Variants in DMD observed in about 807,000 individuals in gnomAD.
DMD encodes dystrophin.
DMD carries 63 observed loss-of-function variants against 330.1 expected under a neutral mutation model. The ratio of observed to expected loss-of-function variants is 0.19; its 90% CI spans 0.16 to 0.24. The LOEUF (loss-of-function observed/expected upper bound fraction) is 0.24. Ranked by LOEUF, DMD falls within the 10% of genes least tolerant of loss-of-function variation. DMD has a pLI of 1.00. For synonymous variants in DMD, 1,223 were observed against 959.8 expected, an observed-to-expected ratio of 1.27 and a Z score of -5.07; for missense variants, 3,344 against 2,684.1, an observed-to-expected ratio of 1.25 and a Z score of -5.43.
chrX:31,584,373 C>A, intron 55 of DMD, among the ~76,000 whole-genome samples: 1 of 110,783 alleles, frequency 9.0e-6, no homozygotes, highest in Middle Eastern at 4.6e-3. Context: ...CTTTTCTGTT[C>A]CTGTGTTAGT....
intron 44 of DMD, among the ~76,000 whole-genome samples, chrX:31,989,883 T>C (rs2095538089): frequency 9.0e-6 from 1 of 111,158 alleles, no homozygotes; most frequent in Admixed American, 9.6e-5. Context: ...ATGCTGAGGT[T>C]TGGGCTTCTG....
chrX:32,466,474 G>A (rs1035874227), intron 23 of DMD, among the ~76,000 whole-genome samples: 2 of 111,187 alleles, frequency 1.8e-5, no homozygotes, highest in African/African-American at 6.5e-5. Flanking sequence ...CCCCCAAGAT[G>A]TCCTCACCCT....
intron 51 of DMD, among the ~76,000 whole-genome samples, chrX:31,751,120 T>G (rs2088521046): frequency 9.3e-6 from 1 of 107,736 alleles, no homozygotes; most frequent in Admixed American, 1.0e-4. Flanking sequence ...TACCAATGAC[T>G]TTCTTCACAG....
At chrX:32,684,238 C>CAA (rs1374103907) in intron 9 of DMD, among the ~76,000 whole-genome samples, 5 of 111,208 alleles carry the variant, frequency 4.5e-5, no homozygotes, top group African/African-American at 1.3e-4. Context: ...CCCACACACA[C>CAA]ACATATATAT....
At chrX:32,453,165 T>G (rs755790833) in intron 26 of DMD, among the ~76,000 whole-genome samples, 6 of 111,032 alleles carry the variant, frequency 5.4e-5, no homozygotes, top group Non-Finnish European at 1.1e-4. Flanking sequence ...CATTTATTTT[T>G]CCATTTATTG....
intron 7 of DMD, among the ~76,000 whole-genome samples, chrX:32,700,931 G>C (rs752874664): frequency 8.9e-6 from 1 of 111,878 alleles, no homozygotes; most frequent in African/African-American, 3.2e-5. Flanking sequence ...CAATTCTTTT[G>C]CAAGTATCAG....
chrX:33,032,148 T>TGG (rs1362019142), intron 1 of DMD, among the ~76,000 whole-genome samples: 2 of 111,802 alleles, frequency 1.8e-5, no homozygotes, highest in Non-Finnish European at 3.8e-5. Context: ...CCTTGACCAG[T>TGG]GGAACACAGT....
At chrX:32,025,623 T>G (rs768834560) in intron 44 of DMD, among the ~76,000 whole-genome samples, 1 of 112,622 alleles carries the variant, frequency 8.9e-6, no homozygotes, top group African/African-American at 3.2e-5. Flanking sequence ...TTGGGAACAC[T>G]TTTCCTTTCT....
At position 32,420,479 on chromosome X, in the gene DMD, C is replaced by A. The variant is rs190273018; in HGVS notation, c.4072-8566G>T. On this transcript the variant is annotated intron_variant, in intron 29 of 78. Transcript: ENST00000357033. ...TTAATTAGCCAAATACAGAAGTACC[C>A]AAGTGAGAGAGAGCATACTGAGGCC... Among the ~76,000 whole-genome samples, 247 of 111,940 alleles carry A rather than the reference C, an allele frequency of 2.2e-3. 2 individuals are homozygous for A. The highest frequency in any genetic ancestry group is 7.7e-3 in the African/African-American group (237 of 30,829).
intron 13 of DMD, among the ~76,000 whole-genome samples, chrX:32,590,371 TTA>T (rs2054763283): frequency 9.0e-6 from 1 of 111,596 alleles, no homozygotes; most frequent in Middle Eastern, 4.3e-3. Flanking sequence ...ACGGTTAATA[TTA>T]TGTGTCAACT....
At chrX:31,485,093 A>G (rs949318565) in intron 57 of DMD, among the ~76,000 whole-genome samples, 4 of 112,960 alleles carry the variant, frequency 3.5e-5, no homozygotes, top group African/African-American at 1.3e-4. Context: ...TGGAAGCCAC[A>G]TAAGTGGAAA....
intron 50 of DMD, among the ~76,000 whole-genome samples, chrX:31,803,011 T>C (rs1020324751): frequency 8.9e-6 from 1 of 111,898 alleles, no homozygotes; most frequent in South Asian, 3.7e-4. Context: ...CCATGGGGAC[T>C]GTATTTTGAC....
chrX:32,226,651 A>C (rs770772386), intron 43 of DMD, among the ~76,000 whole-genome samples: 2 of 111,544 alleles, frequency 1.8e-5, no homozygotes, highest in East Asian at 5.7e-4. Flanking sequence ...TCCATTTAAG[A>C]GCCATGAATG....
intron 7 of DMD, among the ~76,000 whole-genome samples, chrX:32,775,860 T>C (rs1168453709): frequency 8.8e-6 from 1 of 113,023 alleles, no homozygotes; most frequent in Non-Finnish European, 1.9e-5. Flanking sequence ...AAATGGGTTT[T>C]TCTTTTCTGC....
chrX:32,248,874 G>A (rs913227483), intron 43 of DMD, among the ~76,000 whole-genome samples: 1 of 111,141 alleles, frequency 9.0e-6, no homozygotes, highest in Non-Finnish European at 1.9e-5. Flanking sequence ...TAAATATGCT[G>A]ATATGCTAAT....
At chrX:31,402,650 GA>G (rs895792519) in intron 60 of DMD, among the ~76,000 whole-genome samples, 1 of 111,857 alleles carries the variant, frequency 8.9e-6, no homozygotes, top group African/African-American at 3.2e-5. Context: ...AACGATTTCT[GA>G]AAAAGAATTG....
At chrX:32,823,134 C>T (rs1033236329) in intron 5 of DMD, among the ~76,000 whole-genome samples, 161 bp downstream of exon 5, 5 of 111,533 alleles carry the variant, frequency 4.5e-5, no homozygotes, top group Non-Finnish European at 7.5e-5. Context: ...CGTGATGATC[C>T]TTAACATTTC....
intron 55 of DMD, among the ~76,000 whole-genome samples, chrX:31,595,272 C>T (rs969845085): frequency 2.7e-5 from 3 of 111,192 alleles, no homozygotes; most frequent in African/African-American, 6.5e-5. Flanking sequence ...AGATCTGTTT[C>T]GGCTCATGGT....
At chrX:33,283,024 A>G (rs1484929009) in intron 1 of DMD, among the ~76,000 whole-genome samples, 2 of 112,203 alleles carry the variant, frequency 1.8e-5, no homozygotes, top group African/African-American at 6.5e-5. Context: ...GAGCAGGGAA[A>G]AATCAGTTTA....
Sources: allele counts gnomAD v4.1 joint callset (sites outside exome capture counted in the v4.1 genomes callset), GRCh38; gene constraint gnomAD v4.1.1; transcripts MANE v1.5; gene names NCBI Gene and HGNC (gene_info 2026-07-23, HGNC 2026-07-21).